APOC1: variants seen among roughly 807,000 people sequenced by gnomAD.
The protein encoded by APOC1 is apolipoprotein C-I.
Under a neutral mutation model 6.7 loss-of-function variants are expected in APOC1, and 4 were observed. The observed-to-expected ratio is 0.60, with a 90% CI of 0.29 to 1.37. The LOEUF is 1.37. Ranked by LOEUF, APOC1 falls within the 40% of genes most tolerant of loss-of-function variation. The pLI, the probability that APOC1 is intolerant of heterozygous loss-of-function variation, is 0.09. For missense variants in APOC1, 122 were observed against 99.4 expected, an observed-to-expected ratio of 1.23 and a Z score of -0.97; for synonymous variants, 33 against 40.6, an observed-to-expected ratio of 0.81 and a Z score of 0.72.
At chr19:44,916,459 C>A in intron 3 of APOC1, 134 bp downstream of exon 3, 1 of 1,185,830 alleles carries the variant, frequency 8.4e-7, no homozygotes, top group Non-Finnish European at 1.2e-6. Flanking sequence ...GGTCACACAG[C>A]TAGATCTCAA....
intron 3 of APOC1, among the ~76,000 whole-genome samples, chr19:44,918,388 G>A (rs1290609121): frequency 8.2e-6 from 1 of 122,172 alleles, no homozygotes; most frequent in Non-Finnish European, 1.6e-5. Context: ...TTGAGACGGA[G>A]TCTCGCTCTG....
chr19:44,916,808 TCAAAAAA>T (rs1568622655), intron 3 of APOC1, among the ~76,000 whole-genome samples: 1 of 41,728 alleles, frequency 2.4e-5, no homozygotes, highest in African/African-American at 7.7e-5. Flanking sequence ...AGACTCTGTC[TCAAAAAA>T]AAAAAAAAAA....
chr19:44,915,181 G>A, intron 2 of APOC1: 1 of 578,880 alleles, frequency 1.7e-6, no homozygotes, highest in Non-Finnish European at 3.1e-6. Context: ...CCACACCTCT[G>A]GGATTGGCTG....
At chr19:44,916,828 A>C (rs432353) in intron 3 of APOC1, among the ~76,000 whole-genome samples, 4,159 of 144,628 alleles carry the variant, frequency 0.029, 206 homozygotes, top group African/African-American at 0.1. Flanking sequence ...AAAAAAAAAA[A>C]AAAAAAACAA....
At chr19:44,919,043 T>G (rs543208823) in intron 3 of APOC1, 130 bp from the exon 4 acceptor site, 8 of 854,764 alleles carry the variant, frequency 9.4e-6, no homozygotes, top group Admixed American at 2.0e-5. Flanking sequence ...CCAGCGGTCC[T>G]CCTAATCCCA....
At chr19:44,916,139 A>AAAAAAAAAC (rs1272696486) in intron 2 of APOC1, 51 bp from the exon 3 acceptor site, 2 of 1,089,954 alleles carry the variant, frequency 1.8e-6, no homozygotes, top group Non-Finnish European at 2.4e-6. Context: ...TCCATCTCCA[A>AAAAAAAAAC]AAAAAAAAAA....
At chr19:44,918,337 CTTTTTTTTTTTT>C (rs1200008263) in intron 3 of APOC1, among the ~76,000 whole-genome samples, 2 of 90,348 alleles carry the variant, frequency 2.2e-5, no homozygotes, top group African/African-American at 4.3e-5. Flanking sequence ...TGAAGTGTTT[CTTTTTTTTTTTT>C]TTTTTTTTTT....
chr19:44,918,965 A>C, intron 3 of APOC1: 1 of 613,556 alleles, frequency 1.6e-6, no homozygotes, highest in Non-Finnish European at 2.9e-6. Context: ...GCCAAGGGTA[A>C]AGTGTTTAGA....
intron 3 of APOC1, 61 bp from the exon 4 acceptor site, chr19:44,919,112 A>G: frequency 7.0e-7 from 1 of 1,438,788 alleles, no homozygotes; most frequent in Non-Finnish European, 9.8e-7. Flanking sequence ...TAGCAGGCAG[A>G]ATTTGGACAG....
chr19:44,918,361 T>C (rs1970044902), intron 3 of APOC1, among the ~76,000 whole-genome samples: 1 of 47,896 alleles, frequency 2.1e-5, no homozygotes, highest in Non-Finnish European at 4.7e-5. Flanking sequence ...TTTTTTTTTC[T>C]TTTTAAATTT....
chr19:44,918,360 CTTTTTAAATTTTTT>C (rs1970044946), intron 3 of APOC1, among the ~76,000 whole-genome samples: 158 of 27,464 alleles, frequency 5.8e-3, no homozygotes, highest in Non-Finnish European at 0.011. Context: ...TTTTTTTTTT[CTTTTTAAATTTTTT>C]TTTTTGAGAC....
At chr19:44,917,697 G>A (rs868420971) in intron 3 of APOC1, among the ~76,000 whole-genome samples, 1 of 151,718 alleles carries the variant, frequency 6.6e-6, no homozygotes, top group Non-Finnish European at 1.5e-5. Flanking sequence ...ATCGTTTGGA[G>A]GCCAGGCACA....
At chr19:44,918,337 C>CTTTTTTTTTTTTTTTTT in intron 3 of APOC1, among the ~76,000 whole-genome samples, 1 of 90,332 alleles carries the variant, frequency 1.1e-5, no homozygotes, top group Non-Finnish European at 2.0e-5. Context: ...TGAAGTGTTT[C>CTTTTTTTTTTTTTTTTT]TTTTTTTTTT....
At chr19:44,916,357 G>A (rs547484031) in intron 3 of APOC1, 32 bp downstream of exon 3, 5 of 1,611,350 alleles carry the variant, frequency 3.1e-6, no homozygotes, top group East Asian at 2.2e-5. Flanking sequence ...CGGGAGAGCT[G>A]GGGTGTGTTT....
intron 2 of APOC1, among the ~76,000 whole-genome samples, chr19:44,915,941 C>G (rs1006005497): frequency 1.3e-5 from 2 of 151,830 alleles, no homozygotes; most frequent in Non-Finnish European, 2.9e-5. Context: ...TGCACTCCAG[C>G]CTGGCTGACA....
rs201661762 is a variant in APOC1 at position 44,916,347 on chromosome 19, C to T, written c.194+22C>T. The T allele has an allele frequency of 4.3e-5, 70 of 1,612,374 alleles. No individual in the cohort carries two copies. The Middle Eastern group carries it at 7.1e-4, about 16-fold the overall frequency. On this transcript the variant is annotated intron_variant, in intron 3 of 3. Transcript: ENST00000592535. ...TGCGGTTAGAACCCTTCCCAGGGCA[C>T]GGGAGAGCTGGGGTGTGTTTTTGGG...
At position 44,916,218 on chromosome 19, in the gene APOC1, C is replaced by CGTCTCCAGT; in HGVS notation, c.89_97dup (p.Val30_Ser32dup). 6.2e-7 allele frequency: 1 copy of CGTCTCCAGT among 1,607,730 alleles called. No homozygotes were observed. The highest frequency in any genetic ancestry group is 8.5e-7 in the Non-Finnish European group (1 of 1,177,086). On this transcript the variant is annotated inframe_insertion, in exon 3 of 4. Transcript: ENST00000592535. ...CAGCCCCAGCCCAGGGGACCCCAGA[C>CGTCTCCAGT]GTCTCCAGTGCCTTGGATAAGCTGA...
chr19:44,915,798 C>T (rs908165439), intron 2 of APOC1, among the ~76,000 whole-genome samples: 1 of 151,912 alleles, frequency 6.6e-6, no homozygotes, highest in Non-Finnish European at 1.5e-5. Context: ...GAAACTTCGT[C>T]TCTACTAAAA....
intron 3 of APOC1, among the ~76,000 whole-genome samples, chr19:44,917,236 G>A (rs10424339): frequency 0.036 from 5,484 of 152,240 alleles, 324 homozygotes; most frequent in African/African-American, 0.12. Flanking sequence ...AGAGTCATTC[G>A]TTCTTTCAAA....
Sources: gnomAD v4.1 joint callset for allele counts (sites outside exome capture counted in the v4.1 genomes callset) on GRCh38, gnomAD v4.1.1 for gene constraint, MANE v1.5 for transcripts, NCBI Gene and HGNC (gene_info 2026-07-23, HGNC 2026-07-21) for gene names.